ATAD2B: variants seen among roughly 807,000 people sequenced by gnomAD.
ATAD2B encodes ATPase family AAA domain-containing protein 2B.
A neutral mutation model predicts 167.6 loss-of-function variants in ATAD2B; 40 were observed. The observed-to-expected ratio is 0.24, with a 90% CI of 0.19 to 0.31. ATAD2B has a LOEUF of 0.31. Ranked by LOEUF, ATAD2B falls within the 10% of genes least tolerant of loss-of-function variation. ATAD2B has a pLI of 1.00. For synonymous variants in ATAD2B, 579 were observed against 596.5 expected, an observed-to-expected ratio of 0.97 and a Z score of 0.43; for missense variants, 1,242 against 1,757.2, an observed-to-expected ratio of 0.71 and a Z score of 5.24.
the ATAD2B span, among the ~76,000 whole-genome samples, chr2:23,739,928 C>A: frequency 0.12 from 18,188 of 152,098 alleles, 1,152 homozygotes; most frequent in Middle Eastern, 0.21. Context: ...AACACCTCTA[C>A]GCAAATAAAC....
intron 2 of ATAD2B, among the ~76,000 whole-genome samples, chr2:23,893,763 A>G (rs547996618): frequency 3.3e-5 from 5 of 149,296 alleles, no homozygotes; most frequent in African/African-American, 9.9e-5. Flanking sequence ...TCAAACTGCT[A>G]GGATCATGGC....
At chr2:23,795,684 A>C (rs866109564) in intron 19 of ATAD2B, among the ~76,000 whole-genome samples, 1 of 152,162 alleles carries the variant, frequency 6.6e-6, no homozygotes, top group Non-Finnish European at 1.5e-5. Context: ...GTTCAAGACC[A>C]GCCTGGCCAA....
chr2:23,896,170 A>C (rs1700128757), intron 1 of ATAD2B, among the ~76,000 whole-genome samples, 200 bp from the exon 2 acceptor site: 1 of 151,392 alleles, frequency 6.6e-6, no homozygotes, highest in South Asian at 2.1e-4. Context: ...AAAAAAAAAA[A>C]ATTAGCTGGG....
In ATAD2B at chr2:23,751,455, A is replaced by ATCT. The variant is rs1675345107; in HGVS notation, c.*588_*590dup. The ATCT allele has an allele frequency of 6.6e-6, 1 of 152,154 alleles. No homozygotes were observed. Among genetic ancestry groups the ATCT allele is most frequent in the Admixed American group, 6.6e-5 (1 of 15,258 alleles). 9.4% of individuals were successfully genotyped at this position (152,154 alleles called of 1,614,324 possible). A position where few individuals can be genotyped will look rare whatever the true frequency, so the allele number is the denominator to read the frequency against. On this transcript the variant is annotated 3_prime_UTR_variant, in exon 28 of 28. Transcript: ENST00000238789. ...TCAAACAGCCCATCCTTTTAGCCTT[A>ATCT]TCTTCCTCAAATGAATAAAAAGGCA...
At chr2:23,785,890 C>G in intron 21 of ATAD2B, 137 bp downstream of exon 21, 1 of 726,782 alleles carries the variant, frequency 1.4e-6, no homozygotes, top group South Asian at 2.6e-5. Flanking sequence ...CGGTAGTTAT[C>G]ACATGGATTA....
At chr2:23,827,659 C>A (rs944390734) in intron 15 of ATAD2B, 1 of 152,594 alleles carries the variant, frequency 6.6e-6, no homozygotes, top group African/African-American at 2.4e-5. Context: ...ATACCAAATA[C>A]CACCCTCTCC....
chr2:23,840,690 T>G (rs559274549), intron 13 of ATAD2B, among the ~76,000 whole-genome samples: 1 of 151,964 alleles, frequency 6.6e-6, no homozygotes, highest in Non-Finnish European at 1.5e-5. Context: ...TATATTTGTC[T>G]TAGATAAGTA....
At chr2:23,789,819 G>A (rs1558535546) in intron 19 of ATAD2B, among the ~76,000 whole-genome samples, 1 of 152,082 alleles carries the variant, frequency 6.6e-6, no homozygotes, top group East Asian at 1.9e-4. Context: ...TTTACAGATG[G>A]GGAAACTGGG....
intron 19 of ATAD2B, among the ~76,000 whole-genome samples, chr2:23,793,469 T>G (rs1206361160): frequency 6.6e-6 from 1 of 152,164 alleles, no homozygotes; most frequent in African/African-American, 2.4e-5. Flanking sequence ...TCTCTAATTC[T>G]CCATAAATAC....
At chr2:23,926,506 G>A (rs943243604) in intron 1 of ATAD2B, 49 bp downstream of exon 1, 5 of 1,522,900 alleles carry the variant, frequency 3.3e-6, no homozygotes, top group African/African-American at 2.8e-5. Flanking sequence ...AGCCCCGGCA[G>A]CAGGGCCGGC....
At chr2:23,807,936 T>A (rs1684762730) in intron 18 of ATAD2B, among the ~76,000 whole-genome samples, 1 of 127,038 alleles carries the variant, frequency 7.9e-6, no homozygotes, top group Non-Finnish European at 1.6e-5. Flanking sequence ...ATTTATAATA[T>A]ATATAAATAT....
intron 2 of ATAD2B, among the ~76,000 whole-genome samples, chr2:23,892,859 A>G (rs1699728755): frequency 6.6e-6 from 1 of 152,222 alleles, no homozygotes; most frequent in Non-Finnish European, 1.5e-5. Flanking sequence ...TAAATAAATG[A>G]CTAGTAGCTA....
rs368252845 is a variant in ATAD2B at position 23,907,782 on chromosome 2, A to G, written c.217-11812T>C. On this transcript the variant is annotated intron_variant, in intron 1 of 27. Coordinates refer to ENST00000238789, the MANE Select transcript of ATAD2B (RefSeq NM_017552.4). ...ACCAAAACAGCATGGTACTGGTACCAAAACAGAGATATAGAACAATGGAAC... is the reference window on the plus strand; with the variant it reads ...ACCAAAACAGCATGGTACTGGTACCGAAACAGAGATATAGAACAATGGAAC... 5.3e-5 allele frequency among the ~76,000 whole-genome samples: 8 copies of G among 152,336 alleles called. No homozygotes were observed. The East Asian group carries it at 1.2e-3, about 22-fold the overall frequency.
At chr2:23,859,391 C>T (rs145524785) in intron 12 of ATAD2B, among the ~76,000 whole-genome samples, 1 of 152,190 alleles carries the variant, frequency 6.6e-6, no homozygotes, top group Non-Finnish European at 1.5e-5. Flanking sequence ...CTCACCTCAG[C>T]CTCCACCCAC....
the ATAD2B span, among the ~76,000 whole-genome samples, chr2:23,726,801 G>T: frequency 6.6e-6 from 1 of 152,114 alleles, no homozygotes; most frequent in Non-Finnish European, 1.5e-5. Flanking sequence ...CGGTCAAATG[G>T]GGAGTTTTTG....
intron 1 of ATAD2B, among the ~76,000 whole-genome samples, chr2:23,924,278 T>C (rs1425955250): frequency 2.6e-5 from 4 of 152,230 alleles, no homozygotes; most frequent in African/African-American, 9.6e-5. Context: ...GGAATACATT[T>C]CTTTCTACAA....
At chr2:23,679,022 A>G in the ATAD2B span, among the ~76,000 whole-genome samples, 3 of 149,498 alleles carry the variant, frequency 2.0e-5, no homozygotes, top group Non-Finnish European at 3.0e-5. Context: ...TGAACTGGAC[A>G]CTTTAAAATG....
intron 13 of ATAD2B, among the ~76,000 whole-genome samples, chr2:23,834,748 T>C (rs1689654449): frequency 1.3e-5 from 2 of 151,784 alleles, no homozygotes; most frequent in Admixed American, 6.6e-5. Context: ...AGACAAATAA[T>C]AAAATTTAAA....
intron 18 of ATAD2B, among the ~76,000 whole-genome samples, chr2:23,802,138 T>G (rs1218643083): frequency 1.3e-5 from 2 of 152,114 alleles, no homozygotes; most frequent in East Asian, 3.9e-4. Flanking sequence ...AATCACTTAA[T>G]AGTATTATAA....
Sources: allele counts gnomAD v4.1 joint callset (sites outside exome capture counted in the v4.1 genomes callset), GRCh38; gene constraint gnomAD v4.1.1; transcripts MANE v1.5; gene names NCBI Gene and HGNC (gene_info 2026-07-23, HGNC 2026-07-21).